The following PCDHA11 variants were observed in gnomAD, a reference collection of about 807,000 sequenced individuals.
The protein encoded by PCDHA11 is protocadherin alpha 11.
Under a neutral mutation model 70.3 loss-of-function variants are expected in PCDHA11, and 61 were observed. That is an observed-to-expected ratio of 0.87 (90% confidence interval 0.71 to 1.07). The LOEUF is 1.07. Among genes scored for constraint, PCDHA11 ranks in the 50% least tolerant of loss-of-function variants. The pLI is 0.00. For synonymous variants in PCDHA11, 633 were observed against 555.1 expected (o/e 1.14, Z -1.97); for missense variants, 1,324 against 1,237.5 (o/e 1.07, Z -1.05).
chr5:140,929,077 A>C, intron 1 of PCDHA11: 1 of 1,614,168 alleles, frequency 6.2e-7, no homozygotes, highest in Non-Finnish European at 8.5e-7. Flanking sequence ...GAGGTATGGA[A>C]GTAAGATGGT....
chr5:140,924,701 C>A (rs2081959929), intron 1 of PCDHA11, among the ~76,000 whole-genome samples: 1 of 152,008 alleles, frequency 6.6e-6, no homozygotes, highest in African/African-American at 2.4e-5. Flanking sequence ...TCGAGACCAG[C>A]TTGTGCAACA....
intron 1 of PCDHA11, chr5:140,877,170 G>A (rs782615376): frequency 6.2e-7 from 1 of 1,613,712 alleles, no homozygotes. Flanking sequence ...CGGCACTGCT[G>A]GCGACTCCGG....
intron 1 of PCDHA11, chr5:140,882,108 A>G: frequency 7.3e-7 from 1 of 1,370,912 alleles, no homozygotes; most frequent in Non-Finnish European, 9.8e-7. Flanking sequence ...TCCGCGAAGA[A>G]AGCCGCCGTT....
chr5:140,968,257 T>A (rs781932747), intron 1 of PCDHA11: 1 of 1,614,064 alleles, frequency 6.2e-7, no homozygotes, highest in Non-Finnish European at 8.5e-7. Flanking sequence ...CAGACCCAGA[T>A]GAAAAGGAGA....
At position 140,967,456 on chromosome 5, in the gene PCDHA11, G is replaced by A. The variant is rs781877104; in HGVS notation, c.2392-11493G>A. On this transcript the variant is annotated intron_variant, in intron 1 of 3. Transcript: ENST00000398640. The stretch of plus-strand genomic sequence containing the variant: ...TGCACCACCTGGTTCTCACAGCCGT[G>A]GATGGGGGCATCCCAGCCCGCTCGG... 4.3e-6 allele frequency: 7 copies of A among 1,613,480 alleles called. No homozygotes were observed. The South Asian group carries it at 6.6e-5, about 15-fold the overall frequency.
intron 3 of PCDHA11, among the ~76,000 whole-genome samples, chr5:140,985,879 A>G (rs539308826): frequency 6.6e-6 from 1 of 151,504 alleles, no homozygotes; most frequent in Non-Finnish European, 1.5e-5. Context: ...AGCTGGGACT[A>G]CAGGCGCCCG....
Position 140,982,613 on chromosome 5 carries a change from A to G in PCDHA11, c.2539+50A>G, listed in dbSNP as rs201150239. ...CTTTCTTGGTTTCTGGAAAGTGATC[A>G]GATGACCTACTTTTGTAAGATCAGG... On this transcript the variant is annotated intron_variant, in intron 3 of 3. Transcript: ENST00000398640. 2.7e-5 allele frequency: 43 copies of G among 1,599,298 alleles called. No individual in the cohort carries two copies. The Admixed American group carries it at 7.0e-4, about 26-fold the overall frequency.
intron 1 of PCDHA11, among the ~76,000 whole-genome samples, chr5:140,922,233 A>T (rs1226444776): frequency 6.6e-6 from 1 of 152,220 alleles, no homozygotes; most frequent in Non-Finnish European, 1.5e-5. Flanking sequence ...CTCAACCATG[A>T]TGTGTATGAA....
chr5:140,897,227 C>T (rs1554187259), intron 1 of PCDHA11, among the ~76,000 whole-genome samples: 1 of 152,036 alleles, frequency 6.6e-6, no homozygotes, highest in Non-Finnish European at 1.5e-5. Flanking sequence ...TACATGTGCA[C>T]AATGTGCAGG....
At chr5:140,891,034 G>A (rs1377509789) in intron 1 of PCDHA11, among the ~76,000 whole-genome samples, 1 of 151,488 alleles carries the variant, frequency 6.6e-6, no homozygotes, top group Non-Finnish European at 1.5e-5. Context: ...ATAATCTTAG[G>A]TGTGACCCCC....
chr5:140,982,882 C>A (rs1554244920), intron 3 of PCDHA11, among the ~76,000 whole-genome samples: 1 of 151,972 alleles, frequency 6.6e-6, no homozygotes, highest in African/African-American at 2.4e-5. Flanking sequence ...CCAAGCCATG[C>A]AGAGAAGATC....
chr5:140,977,864 GGTAAGTATAAT>G (rs1175044090), intron 1 of PCDHA11, among the ~76,000 whole-genome samples: 1 of 152,140 alleles, frequency 6.6e-6, no homozygotes, highest in Non-Finnish European at 1.5e-5. Context: ...TACCAAATAT[GGTAAGTATAAT>G]GTAGAGGAAA....
rs2052179546 is a variant in PCDHA11, at chr5:140,870,575, A to G, written c.1472A>G (p.Tyr491Cys). 6.2e-7 allele frequency: 1 copy of G among 1,613,690 alleles called. No homozygotes were observed. Among genetic ancestry groups the G allele is most frequent in the Admixed American group, 1.7e-5 (1 of 59,988 alleles). ...GCGCAGGAGAACGCGCTGGTGTCCT[A>G]CTCGCTGGTGGAGCGGCGGTTGGGC... Reference protein sequence around the residue: ...ADAQENALVSYSLVERRLGDR... With the variant: ...ADAQENALVSCSLVERRLGDR... The change falls in exon 1 of 4, where the codon TAC becomes TGC. Residue 491 changes from tyrosine (Y) to cysteine (C), a missense_variant. Coordinates refer to ENST00000398640, the MANE Select transcript of PCDHA11 (RefSeq NM_018902.5).
In PCDHA11 at chr5:141,010,279, A is replaced by T. The variant is rs2098416787; in HGVS notation, c.*342A>T. 2.6e-6 allele frequency: 4 copies of T among 1,551,490 alleles called. No homozygotes were observed. The highest frequency in any genetic ancestry group is 3.5e-6 in the Non-Finnish European group (4 of 1,146,936). ...CCTGTGCTCCGGGGATCCTGTCTTG[A>T]TGACACTTGCAGGGCAGGCTGAAAA... On this transcript the variant is annotated 3_prime_UTR_variant, in exon 4 of 4. Coordinates refer to ENST00000398640, the MANE Select transcript of PCDHA11 (RefSeq NM_018902.5).
At chr5:140,981,977 G>A (rs1321410399) in intron 2 of PCDHA11, among the ~76,000 whole-genome samples, 1 of 152,128 alleles carries the variant, frequency 6.6e-6, no homozygotes, top group African/African-American at 2.4e-5. Context: ...TATAGAAAGA[G>A]TAAAATAGAA....
intron 1 of PCDHA11, among the ~76,000 whole-genome samples, chr5:140,905,419 C>T (rs2071826794): frequency 6.6e-6 from 1 of 152,158 alleles, no homozygotes; most frequent in South Asian, 2.1e-4. Flanking sequence ...CAGTACCATG[C>T]TGGTTTGATA....
At position 140,927,971 on chromosome 5, in the gene PCDHA11, C is replaced by T. The variant is rs868922082; in HGVS notation, c.2392-50978C>T. On this transcript the variant is annotated intron_variant, in intron 1 of 3. Transcript: ENST00000398640. ...GACGCTGCCCCTGGCACAGTGATTGCTCTCTTTAGTGTAAAGGATGAAGAC... is the reference window on the plus strand; with the variant it reads ...GACGCTGCCCCTGGCACAGTGATTGTTCTCTTTAGTGTAAAGGATGAAGAC... 5.0e-6 allele frequency: 8 copies of T among 1,614,224 alleles called. No homozygotes were observed. In the African/African-American group the frequency reaches 9.3e-5, roughly 19 times the overall value.
chr5:140,910,058 T>A (rs571957156), intron 1 of PCDHA11, among the ~76,000 whole-genome samples: 5 of 152,344 alleles, frequency 3.3e-5, no homozygotes, highest in African/African-American at 9.6e-5. Flanking sequence ...TAAGTGATCT[T>A]TTAACAGCGT....
At chr5:140,972,749 C>T (rs6899060) in intron 1 of PCDHA11, among the ~76,000 whole-genome samples, 3,772 of 151,356 alleles carry the variant, frequency 0.025, 151 homozygotes, top group African/African-American at 0.085. Flanking sequence ...CTGCAACCTC[C>T]GCCTCCCAAG....
Sources: allele counts gnomAD v4.1 joint callset (sites outside exome capture counted in the v4.1 genomes callset), GRCh38; gene constraint gnomAD v4.1.1; transcripts MANE v1.5; gene names NCBI Gene and HGNC (gene_info 2026-07-23, HGNC 2026-07-21).